Variants in ANKRD31 observed in about 807,000 individuals in gnomAD.
ANKRD31 encodes the protein ankyrin repeat domain-containing protein 31.
ANKRD31 carries 147 observed loss-of-function variants against 186.0 expected under a neutral mutation model. The observed-to-expected ratio is 0.79, with a 90% confidence interval of 0.69 to 0.91. The LOEUF (loss-of-function observed/expected upper bound fraction) is 0.91. Among genes scored for constraint, ANKRD31 ranks in the 40% least tolerant of loss-of-function variants. The pLI, the probability that ANKRD31 is intolerant of heterozygous loss-of-function variation, is 0.00. For synonymous variants in ANKRD31, 673 were observed against 736.4 expected (o/e 0.91, Z 1.39); for missense variants, 1,986 against 2,148.8 (o/e 0.92, Z 1.50).
intron 17 of ANKRD31, among the ~76,000 whole-genome samples, chr5:75,122,742 T>C (rs115124432): frequency 0.045 from 6,777 of 152,052 alleles, 358 homozygotes; most frequent in African/African-American, 0.12. Flanking sequence ...CCCCTCATGA[T>C]AAAAACTCTC....
intron 23 of ANKRD31, among the ~76,000 whole-genome samples, chr5:75,090,874 G>C (rs1444867970): frequency 6.6e-6 from 1 of 152,174 alleles, no homozygotes; most frequent in East Asian, 1.9e-4. Context: ...TACTTCATTA[G>C]AATAATAACA....
intron 22 of ANKRD31, among the ~76,000 whole-genome samples, chr5:75,103,699 G>A (rs1353669931): frequency 6.6e-6 from 1 of 152,196 alleles, no homozygotes; most frequent in Non-Finnish European, 1.5e-5. Flanking sequence ...GTCCTCTGCA[G>A]AGACATGAAT....
chr5:75,165,091 G>C (rs1303295714), intron 11 of ANKRD31, among the ~76,000 whole-genome samples: 2 of 152,108 alleles, frequency 1.3e-5, no homozygotes, highest in African/African-American at 4.8e-5. Context: ...CCTTTGTTGT[G>C]ATTCAATGTC....
intron 25 of ANKRD31, among the ~76,000 whole-genome samples, chr5:75,071,171 A>G (rs548118563): frequency 6.6e-6 from 1 of 152,120 alleles, no homozygotes; most frequent in Non-Finnish European, 1.5e-5. Flanking sequence ...TATTTAATTC[A>G]GCCACTGCTT....
chr5:75,104,414 T>C lies in ANKRD31; in HGVS notation c.5145A>G (p.Ser1715=). Residue 1715 remains serine, a synonymous_variant, in exon 22 of 26, where the codon TCA becomes TCG. Transcript: ENST00000506364. ...CATCTGCACATGGAACAACAGAAAC[T>C]GATTTTTTAAGATATGGTTTCATCT... ...VHQMKPYLKK[S]VSVVPCADDS... 1.3e-6 allele frequency: 2 copies of C among 1,537,230 alleles called. No homozygotes were observed. The highest frequency in any genetic ancestry group is 2.4e-5 in the East Asian group (1 of 40,890).
chr5:75,152,367 T>C (rs940632252), intron 12 of ANKRD31, among the ~76,000 whole-genome samples: 1 of 152,040 alleles, frequency 6.6e-6, no homozygotes, highest in African/African-American at 2.4e-5. Context: ...TTTGTTCTAT[T>C]AAGGGAGAAC....
intron 10 of ANKRD31, among the ~76,000 whole-genome samples, chr5:75,177,916 C>A (rs1580493368): frequency 6.6e-6 from 1 of 152,064 alleles, no homozygotes. Flanking sequence ...GCTAAATGCT[C>A]CAATTAAAAG....
Position 75,146,265 on chromosome 5 carries a change from G to A in ANKRD31, c.3146C>T (p.Thr1049Ile). ...CATCTTTTCCACAATATGTGTATCTGTTTGATTCATTAAAAAAGTTGGTGC... is the reference window on the plus strand; with the variant it reads ...CATCTTTTCCACAATATGTGTATCTATTTGATTCATTAAAAAAGTTGGTGC... Reference protein sequence around the residue: ...PRAPTFLMNQTDTHIVEKMAK... With the variant: ...PRAPTFLMNQIDTHIVEKMAK... Residue 1049 changes from threonine (T) to isoleucine (I), a missense_variant, in exon 14 of 26, where the codon ACA becomes ATA. Coordinates refer to ENST00000506364, the MANE Select transcript of ANKRD31 (RefSeq NM_001372053.1). The A allele has an allele frequency of 6.5e-7, 1 of 1,536,384 alleles. No individual in the cohort carries two copies. The highest frequency in any genetic ancestry group is 8.7e-7 in the Non-Finnish European group (1 of 1,146,412).
chr5:75,096,485 T>C (rs1048077350), intron 22 of ANKRD31, among the ~76,000 whole-genome samples: 1 of 152,186 alleles, frequency 6.6e-6, no homozygotes, highest in African/African-American at 2.4e-5. Flanking sequence ...AATGATAGTT[T>C]CTTTTGCTGT....
chr5:75,125,943 A>G (rs1014741118), intron 17 of ANKRD31, among the ~76,000 whole-genome samples: 7 of 152,206 alleles, frequency 4.6e-5, no homozygotes, highest in African/African-American at 1.7e-4. Context: ...CGACTACAAT[A>G]ATGACTTAGA....
chr5:75,141,928 T>A (rs568017853), intron 15 of ANKRD31, among the ~76,000 whole-genome samples: 2 of 152,256 alleles, frequency 1.3e-5, no homozygotes, highest in East Asian at 3.9e-4. Context: ...ACTCAAAAAC[T>A]TCTCAATGTT....
At chr5:75,114,747 G>A (rs1271128441) in intron 19 of ANKRD31, among the ~76,000 whole-genome samples, 1 of 152,138 alleles carries the variant, frequency 6.6e-6, no homozygotes, top group African/African-American at 2.4e-5. Context: ...GCTGCTCAAC[G>A]AAATAAAAGA....
rs1179901327 is a variant in ANKRD31 at position 75,188,560 on chromosome 5, G to C, written c.1497C>G (p.His499Gln). ...AATGATGAACAAGATCAGCATCATC[G>C]TGTAGAGCAGCCTTATATACTAAGT... ...GENLVYKAAL[H>Q]DDADLVHHCI... The change falls in exon 10 of 26, where the codon CAC becomes CAG. Residue 499 changes from histidine to glutamine, a missense_variant. Transcript: ENST00000506364. 3.9e-6 allele frequency: 6 copies of C among 1,536,168 alleles called. No individual in the cohort carries two copies. The Admixed American group carries it at 9.8e-5, about 25-fold the overall frequency.
At chr5:75,103,916 G>C (rs940374817) in intron 22 of ANKRD31, among the ~76,000 whole-genome samples, 1 of 152,064 alleles carries the variant, frequency 6.6e-6, no homozygotes, top group African/African-American at 2.4e-5. Flanking sequence ...TAATACCTAC[G>C]TTATGGGTTG....
intron 22 of ANKRD31, among the ~76,000 whole-genome samples, chr5:75,094,725 C>T (rs1389998738): frequency 6.6e-6 from 1 of 151,960 alleles, no homozygotes; most frequent in Non-Finnish European, 1.5e-5. Context: ...TCAACCTAGT[C>T]AAAAGGCAGA....
At position 75,081,900 on chromosome 5, in the gene ANKRD31, C is replaced by T. The variant is rs149105751; in HGVS notation, c.5576-1261G>A. Among the ~76,000 whole-genome samples the T allele has an allele frequency of 2.8e-3, 425 of 152,242 alleles. 3 individuals are homozygous for T. The highest frequency in any genetic ancestry group is 9.4e-3 in the African/African-American group (390 of 41,550). ...CTATTAGTCATCCAAAGTCTATAGT[C>T]AGGCTGGCTGTGTAAGAGTCACTTT... On this transcript the variant is annotated intron_variant, in intron 24 of 25. Coordinates refer to ENST00000506364, the MANE Select transcript of ANKRD31 (RefSeq NM_001372053.1).
intron 13 of ANKRD31, among the ~76,000 whole-genome samples, 198 bp from the exon 14 acceptor site, chr5:75,147,703 G>C (rs1186642722): frequency 6.6e-6 from 1 of 151,824 alleles, no homozygotes; most frequent in African/African-American, 2.4e-5. Context: ...AAATGTAATA[G>C]ATTTAGACTC....
At chr5:75,130,572 G>A (rs540211566) in intron 17 of ANKRD31, among the ~76,000 whole-genome samples, 16 of 152,236 alleles carry the variant, frequency 1.1e-4, no homozygotes, top group South Asian at 2.1e-4. Flanking sequence ...GACGTAGAGC[G>A]CTGATTGGTG....
At chr5:75,098,666 T>C (rs1189162317) in intron 22 of ANKRD31, among the ~76,000 whole-genome samples, 2 of 152,140 alleles carry the variant, frequency 1.3e-5, no homozygotes, top group Admixed American at 6.5e-5. Context: ...AAGTTGGATT[T>C]CTAGGTATTT....
Sources: gnomAD v4.1 joint callset for allele counts (sites outside exome capture counted in the v4.1 genomes callset) on GRCh38, gnomAD v4.1.1 for gene constraint, MANE v1.5 for transcripts, NCBI Gene and HGNC (gene_info 2026-07-23, HGNC 2026-07-21) for gene names.